BEST3: variants seen among roughly 807,000 people sequenced by gnomAD.
BEST3 encodes the protein bestrophin-3.
A neutral mutation model predicts 47.1 loss-of-function variants in BEST3; 50 were observed. That is an observed-to-expected ratio of 1.06 (90% CI 0.85 to 1.34). The LOEUF (loss-of-function observed/expected upper bound fraction) is 1.34. Among genes scored for constraint, BEST3 ranks in the 40% most tolerant of loss-of-function variants. The pLI, the probability that BEST3 is intolerant of heterozygous loss-of-function variation, is 0.00. For synonymous variants in BEST3, 282 were observed against 298.8 expected (o/e 0.94, Z 0.58); for missense variants, 765 against 817.0 (o/e 0.94, Z 0.78).
downstream of BEST3, among the ~76,000 whole-genome samples, chr12:69,650,013 C>A (rs916791639): frequency 6.6e-6 from 1 of 152,210 alleles, no homozygotes; most frequent in African/African-American, 2.4e-5. Context: ...GGTTTGAGTC[C>A]ACTTTCTGAA....
intron 4 of BEST3, among the ~76,000 whole-genome samples, chr12:69,684,772 A>G (rs1885464966): frequency 6.6e-6 from 1 of 152,226 alleles, no homozygotes; most frequent in Admixed American, 6.5e-5. Context: ...ATTCAATGGA[A>G]GAGGTTTAGA....
intron 5 of BEST3, among the ~76,000 whole-genome samples, chr12:69,677,812 C>T (rs982610303): frequency 2.6e-5 from 4 of 152,042 alleles, no homozygotes; most frequent in Admixed American, 6.6e-5. Context: ...ATAGAAATAT[C>T]CCCCCGCCAT....
chr12:69,695,695 C>T (rs1886106935), intron 2 of BEST3, among the ~76,000 whole-genome samples: 1 of 152,110 alleles, frequency 6.6e-6, no homozygotes, highest in Non-Finnish European at 1.5e-5. Flanking sequence ...AAGTCTGACA[C>T]TTATGAATTT....
At chr12:69,670,709 T>C (rs892754083) in intron 9 of BEST3, 11 of 470,100 alleles carry the variant, frequency 2.3e-5, no homozygotes, top group African/African-American at 2.1e-4. Context: ...TGAGCCACAG[T>C]CTTGCCAAGA....
chr12:69,683,580 C>T (rs1199533829), intron 4 of BEST3: 1 of 152,260 alleles, frequency 6.6e-6, no homozygotes, highest in Non-Finnish European at 1.5e-5. Context: ...CCATTTGTCT[C>T]TTACCTACCT....
chr12:69,692,894 C>A (rs116612751), intron 4 of BEST3, among the ~76,000 whole-genome samples: 1 of 152,026 alleles, frequency 6.6e-6, no homozygotes, highest in Non-Finnish European at 1.5e-5. Flanking sequence ...TCCCGAGTAG[C>A]GGGAATTACA....
In BEST3 at chr12:69,693,866, A is replaced by G. The variant is rs756283973; in HGVS notation, c.289T>C (p.Phe97Leu). The G allele has an allele frequency of 6.2e-7, 1 of 1,613,360 alleles. No individual in the cohort carries two copies. Among genetic ancestry groups the G allele is most frequent in the Admixed American group, 1.7e-5 (1 of 59,906 alleles). The change falls in exon 4 of 10, where the codon TTT becomes CTT. Residue 97 changes from phenylalanine (F) to leucine (L), a missense_variant. By Grantham distance (22) the Phe-to-Leu change is conservative. Coordinates refer to ENST00000330891, the MANE Select transcript of BEST3 (RefSeq NM_032735.3). Reference sequence around the variant, plus strand: ...CTGTCTGGCCAGGGCAAATTCACAAACTGGTTCCACCATCGGTTCACTACC... The same window carrying G: ...CTGTCTGGCCAGGGCAAATTCACAAGCTGGTTCCACCATCGGTTCACTACC... Reference protein sequence around the residue: ...TLVVNRWWNQFVNLPWPDRLM... With the variant: ...TLVVNRWWNQLVNLPWPDRLM...
intron 4 of BEST3, among the ~76,000 whole-genome samples, chr12:69,685,839 A>T (rs1328952420): frequency 1.3e-5 from 2 of 152,176 alleles, no homozygotes; most frequent in African/African-American, 4.8e-5. Flanking sequence ...GCCTTTATTT[A>T]ACTCCTGAGA....
chr12:69,668,264 T>C (rs985844965), intron 9 of BEST3, among the ~76,000 whole-genome samples: 4 of 152,208 alleles, frequency 2.6e-5, no homozygotes, highest in African/African-American at 7.2e-5. Context: ...GAAAATTTGA[T>C]TTCTGAATTA....
intron 9 of BEST3, among the ~76,000 whole-genome samples, chr12:69,643,959 A>C (rs1457990674): frequency 6.6e-6 from 1 of 152,180 alleles, no homozygotes; most frequent in Non-Finnish European, 1.5e-5. Flanking sequence ...CATGTGTACA[A>C]AGAAGAAGGA....
intron 4 of BEST3, among the ~76,000 whole-genome samples, chr12:69,685,250 T>C (rs182739348): frequency 1.6e-3 from 241 of 152,280 alleles, no homozygotes; most frequent in Non-Finnish European, 2.7e-3. Flanking sequence ...TCCTTGTCCA[T>C]AAATTAGTAT....
At chr12:69,697,890 A>G in intron 1 of BEST3, 77 bp from the exon 2 acceptor site, 2 of 1,169,490 alleles carry the variant, frequency 1.7e-6, no homozygotes, top group Non-Finnish European at 2.4e-6. Context: ...TCTGTATATC[A>G]AGGAAATTCA....
Position 69,654,575 on chromosome 12 carries a change from A to G in BEST3, c.*332T>C. ...CTAGGGGATTGGACTATGATCTATG[A>G]GACTCTTTCCACAACTAATAATCTA... On this transcript the variant is annotated 3_prime_UTR_variant, in exon 10 of 10. Coordinates refer to ENST00000330891, the MANE Select transcript of BEST3 (RefSeq NM_032735.3). 9.6e-7 allele frequency: 1 copy of G among 1,038,082 alleles called. No homozygotes were observed. The highest frequency in any genetic ancestry group is 1.2e-6 in the Non-Finnish European group (1 of 861,934). The allele number at this position is 1,038,082 out of a possible 1,614,324, so 64.3% of individuals were successfully genotyped here.
intron 7 of BEST3, among the ~76,000 whole-genome samples, chr12:69,675,821 A>G (rs931456874): frequency 6.6e-6 from 1 of 152,188 alleles, no homozygotes; most frequent in Non-Finnish European, 1.5e-5. Flanking sequence ...GTGAAGAGTC[A>G]AACCAATGAA....
At position 69,658,717 on chromosome 12, in the gene BEST3, G is replaced by C. The variant is rs903702458; in HGVS notation, c.1101-2904C>G. On this transcript the variant is annotated intron_variant, in intron 9 of 9. Coordinates refer to ENST00000330891, the MANE Select transcript of BEST3 (RefSeq NM_032735.3). ...GAATTGGATGGATAGAAAAGGGACA[G>C]AGCATTCCAGGTGAAAGAAGTGACT... Among the ~76,000 whole-genome samples the C allele has an allele frequency of 3.3e-5, 5 of 152,230 alleles. No individual in the cohort carries two copies. The South Asian group carries it at 8.3e-4, about 25-fold the overall frequency.
intron 9 of BEST3, 86 bp from the exon 10 acceptor site, chr12:69,655,899 T>C (rs1883461925): frequency 1.3e-6 from 2 of 1,494,724 alleles, no homozygotes; most frequent in East Asian, 4.6e-5. Context: ...GAGATGACTT[T>C]GGTATTTTTG....
intron 4 of BEST3, chr12:69,684,509 C>A: frequency 3.3e-6 from 2 of 607,106 alleles, no homozygotes; most frequent in Non-Finnish European, 6.4e-6. Flanking sequence ...ATGTCTTTTG[C>A]CTTTCAAGCA....
chr12:69,643,839 G>T, intron 9 of BEST3: 1 of 649,986 alleles, frequency 1.5e-6, no homozygotes, highest in South Asian at 1.8e-5. Context: ...CACGTATACA[G>T]GTGCTTCTCT....
At chr12:69,688,292 G>C (rs537920285) in intron 4 of BEST3, among the ~76,000 whole-genome samples, 2 of 152,328 alleles carry the variant, frequency 1.3e-5, no homozygotes, top group African/African-American at 4.8e-5. Context: ...GAATTTTCCA[G>C]AGCAGATTTG....
Sources: gnomAD v4.1 joint callset for allele counts (sites outside exome capture counted in the v4.1 genomes callset) on GRCh38, gnomAD v4.1.1 for gene constraint, MANE v1.5 for transcripts, NCBI Gene and HGNC (gene_info 2026-07-23, HGNC 2026-07-21) for gene names.